The following C19orf18 variants were observed in gnomAD, a reference collection of about 807,000 sequenced individuals.
C19orf18 encodes uncharacterized protein C19orf18.
C19orf18 carries 21 observed loss-of-function variants against 23.3 expected under a neutral mutation model. That is an observed-to-expected ratio of 0.90 (90% CI 0.64 to 1.30). C19orf18 has a LOEUF of 1.30. C19orf18 is among the 50% of genes most tolerant of loss of function. C19orf18 has a pLI of 0.00. For missense variants in C19orf18, 249 were observed against 259.6 expected (o/e 0.96, Z 0.28); for synonymous variants, 96 against 95.2 (o/e 1.01, Z -0.05).
At chr19:57,960,637 G>A (rs191498422) in intron 5 of C19orf18, among the ~76,000 whole-genome samples, 1 of 152,190 alleles carries the variant, frequency 6.6e-6, no homozygotes, top group Non-Finnish European at 1.5e-5. Flanking sequence ...GCGTGTCTGT[G>A]TTCTGAATGC....
intron 5 of C19orf18, among the ~76,000 whole-genome samples, chr19:57,959,410 G>A (rs562050828): frequency 1.3e-5 from 2 of 152,090 alleles, no homozygotes; most frequent in South Asian, 4.1e-4. Flanking sequence ...ATCACTTGAA[G>A]TCAAGAGTTC....
chr19:57,960,846 C>A (rs1205925284), intron 5 of C19orf18, among the ~76,000 whole-genome samples: 1 of 152,172 alleles, frequency 6.6e-6, no homozygotes, highest in African/African-American at 2.4e-5. Context: ...GTCTCTCTTA[C>A]TTCAAACTCC....
At position 57,962,026 on chromosome 19, in the gene C19orf18, T is replaced by C. The variant is rs148381351; in HGVS notation, c.372-475A>G. Among the ~76,000 whole-genome samples, 1,221 of 150,662 alleles carry C rather than the reference T, an allele frequency of 8.1e-3. 15 individuals are homozygous for C. Among genetic ancestry groups the C allele is most frequent in the African/African-American group, 0.028 (1,128 of 40,890 alleles). On this transcript the variant is annotated intron_variant, in intron 4 of 5. Coordinates refer to ENST00000314391, the MANE Select transcript of C19orf18 (RefSeq NM_152474.5). ...TCTCTCTGTATCTCTCCCTTTCTCT[T>C]TCTCTCTCTCTTTCTCTCTTTGGAA...
rs755127408 is a variant in C19orf18, at chr19:57,974,202, G to A, written c.123C>T (p.Gly41=). Residue 41 remains glycine (G), a splice_region_variant and synonymous_variant, in exon 2 of 6, where the codon GGC becomes GGT. Coordinates refer to ENST00000314391, the MANE Select transcript of C19orf18 (RefSeq NM_152474.5). The part of the protein sequence containing the change: ...HPTGNITGLP[G]SKRSQPPRNI... ...TTCTGGGTGGTTGTGACCGTTTACT[G>A]CCTTGAAAAGAAAACTTTTTGCGGT... 1.7e-5 allele frequency: 28 copies of A among 1,613,742 alleles called. No homozygotes were observed. Among genetic ancestry groups the A allele is most frequent in the Non-Finnish European group, 2.3e-5 (27 of 1,179,952 alleles).
intron 4 of C19orf18, among the ~76,000 whole-genome samples, chr19:57,961,797 C>G (rs950622980): frequency 1.3e-5 from 2 of 152,218 alleles, no homozygotes; most frequent in African/African-American, 4.8e-5. Context: ...GAACAAGGCA[C>G]TCACATTGGG....
intron 4 of C19orf18, among the ~76,000 whole-genome samples, chr19:57,961,879 TCTTTTTCTTTCTCTTTTTTTTC>T (rs1229180042): frequency 8.0e-5 from 12 of 150,284 alleles, no homozygotes; most frequent in Non-Finnish European, 1.6e-4. Context: ...CTTTCTCTTC[TCTTTTTCTTTCTCTTTTTTTTC>T]CTTTTTCTTT....
At position 57,974,497 on chromosome 19, in the gene C19orf18, C is replaced by T; in HGVS notation, c.-65G>A. 1 of 1,584,450 alleles carries T rather than the reference C, an allele frequency of 6.3e-7. No individual in the cohort carries two copies. The highest frequency in any genetic ancestry group is 1.1e-5 in the South Asian group (1 of 89,280). On this transcript the variant is annotated 5_prime_UTR_variant, in exon 1 of 6. Coordinates refer to ENST00000314391, the MANE Select transcript of C19orf18 (RefSeq NM_152474.5). ...GAAATACTTAGCTACAGTCCAGCAT[C>T]TGTCCTCTATTTATCTGAGGAATCA...
intron 2 of C19orf18, 109 bp downstream of exon 2, chr19:57,973,990 A>G (rs911134006): frequency 9.4e-7 from 1 of 1,068,146 alleles, no homozygotes; most frequent in African/African-American, 1.6e-5. Flanking sequence ...ATTATACTCT[A>G]TTTTATGGAC....
chr19:57,959,666 T>C (rs115331323), intron 5 of C19orf18, among the ~76,000 whole-genome samples: 1 of 150,698 alleles, frequency 6.6e-6, no homozygotes, highest in Non-Finnish European at 1.5e-5. Flanking sequence ...CATAGTGACA[T>C]GCACCGTAGT....
intron 4 of C19orf18, 105 bp from the exon 5 acceptor site, chr19:57,961,656 G>C: frequency 7.8e-7 from 1 of 1,279,938 alleles, no homozygotes; most frequent in South Asian, 1.3e-5. Context: ...TGTGGAGTGG[G>C]TGCAGACATA....
chr19:57,965,378 A>G (rs1037182821), intron 4 of C19orf18, among the ~76,000 whole-genome samples: 1 of 151,498 alleles, frequency 6.6e-6, no homozygotes, highest in Non-Finnish European at 1.5e-5. Context: ...CAGGTGATGT[A>G]CCCGCCTCAG....
At chr19:57,969,578 A>AAAAAAAAAAAAAAAAAAC in intron 3 of C19orf18, among the ~76,000 whole-genome samples, 4 of 126,036 alleles carry the variant, frequency 3.2e-5, no homozygotes, top group Non-Finnish European at 3.8e-5. Context: ...AAAAAAAAAA[A>AAAAAAAAAAAAAAAAAAC]AAAAAAAAAA....
At position 57,961,320 on chromosome 19, in the gene C19orf18, G is replaced by A. The variant is rs536527442; in HGVS notation, c.532+71C>T. On this transcript the variant is annotated intron_variant, in intron 5 of 5. Transcript: ENST00000314391. ...AGAAATGCAAGCCACCGCTGAGAAA[G>A]AAAGAAAAGAAACGCAAGCTGCCGC... 53 of 1,435,992 alleles carry A rather than the reference G, an allele frequency of 3.7e-5. No individual in the cohort carries two copies. The African/African-American group carries it at 6.2e-4, about 17-fold the overall frequency. The allele number at this position is 1,435,992 out of a possible 1,614,324, so 89.0% of individuals were successfully genotyped here. A position where few individuals can be genotyped will look rare whatever the true frequency, so the allele number is the denominator to read the frequency against.
rs751475003 is a variant in C19orf18 at position 57,974,320 on chromosome 19, C to T, written c.113G>A (p.Gly38Asp). The change falls in exon 1 of 6, where the codon GGC becomes GAC. Residue 38 changes from glycine (G) to aspartate (D), a missense_variant. Physicochemically the swap from Gly to Asp is moderately conservative, Grantham distance 94. Transcript: ENST00000314391. ...DGLHPTGNIT[G>D]LPGSKRSQPP... The stretch of plus-strand genomic sequence containing the variant: ...CCAGTGGTTGAAGCTACCTGGTAAG[C>T]CTGTTATGTTTCCAGTGGGATGGAG... The T allele has an allele frequency of 3.5e-5, 56 of 1,614,056 alleles. No homozygotes were observed. The highest frequency in any genetic ancestry group is 5.3e-5 in the African/African-American group (4 of 74,904).
chr19:57,960,295 G>A (rs11878487), intron 5 of C19orf18, among the ~76,000 whole-genome samples: 26 of 151,094 alleles, frequency 1.7e-4, no homozygotes, highest in African/African-American at 5.8e-4. Context: ...GTGTGGTGGC[G>A]GGTGCCTATA....
chr19:57,969,857 A>T (rs2072933882), intron 3 of C19orf18, among the ~76,000 whole-genome samples: 1 of 148,578 alleles, frequency 6.7e-6, no homozygotes, highest in African/African-American at 2.5e-5. Flanking sequence ...GGGCGACAAG[A>T]TACAAGATTG....
intron 3 of C19orf18, among the ~76,000 whole-genome samples, chr19:57,968,896 CAA>C (rs1355899468): frequency 1.3e-5 from 2 of 152,260 alleles, no homozygotes; most frequent in African/African-American, 4.8e-5. Flanking sequence ...ATCTCCTTTT[CAA>C]ACTCACACAA....
chr19:57,974,369 A>G lies in C19orf18; in HGVS notation c.64T>C (p.Leu22=), dbSNP rs2072968710. ...FLFLMECQLH[L]CLPYADGLHP... ...AGTCCATCTGCATACGGCAAGCATA[A>G]ATGAAGTTGGCATTCCATTAAAAAC... The change falls in exon 1 of 6, where the codon TTA becomes CTA. Residue 22 remains leucine (L), a synonymous_variant. Transcript: ENST00000314391. 6.2e-7 allele frequency: 1 copy of G among 1,614,040 alleles called. No individual in the cohort carries two copies. Among genetic ancestry groups the G allele is most frequent in the African/African-American group, 1.3e-5 (1 of 74,924 alleles).
chr19:57,963,387 C>G (rs2072886654), intron 4 of C19orf18, among the ~76,000 whole-genome samples: 1 of 151,820 alleles, frequency 6.6e-6, no homozygotes, highest in Non-Finnish European at 1.5e-5. Flanking sequence ...CCAGGATATA[C>G]CAAATATCAA....
Sources: gnomAD v4.1 joint callset for allele counts (sites outside exome capture counted in the v4.1 genomes callset) on GRCh38, gnomAD v4.1.1 for gene constraint, MANE v1.5 for transcripts, NCBI Gene and HGNC (gene_info 2026-07-23, HGNC 2026-07-21) for gene names.